MELK: variants seen among roughly 807,000 people sequenced by gnomAD.
MELK encodes pEg3 kinase.
A neutral mutation model predicts 85.0 loss-of-function variants in MELK; 81 were observed. That is an observed-to-expected ratio of 0.95 (90% CI 0.80 to 1.15). The LOEUF is 1.15. Ranked by LOEUF, MELK falls within the 50% of genes most tolerant of loss-of-function variation. The pLI is 0.00. For synonymous variants in MELK, 252 were observed against 265.0 expected (o/e 0.95, Z 0.48); for missense variants, 754 against 777.5 (o/e 0.97, Z 0.36).
chr9:36,669,250 A>C, intron 14 of MELK, 60 bp from the exon 15 acceptor site: 12 of 1,061,152 alleles, frequency 1.1e-5, no homozygotes, highest in African/African-American at 1.6e-5. Flanking sequence ...TATTAATAAT[A>C]GAAATTTCAG....
chr9:36,635,038 T>C (rs947972656), intron 10 of MELK, among the ~76,000 whole-genome samples: 7 of 152,182 alleles, frequency 4.6e-5, no homozygotes, highest in African/African-American at 1.7e-4. Flanking sequence ...ACTTTGGTAT[T>C]GTAGAAGTAC....
At chr9:36,644,027 A>G (rs900947045) in intron 11 of MELK, among the ~76,000 whole-genome samples, 81 of 152,296 alleles carry the variant, frequency 5.3e-4, no homozygotes, top group African/African-American at 1.8e-3. Flanking sequence ...CTAACATGCA[A>G]CTGGGTTTCT....
At chr9:36,618,367 C>T (rs926096569) in intron 8 of MELK, among the ~76,000 whole-genome samples, 5 of 149,740 alleles carry the variant, frequency 3.3e-5, no homozygotes, top group Non-Finnish European at 7.4e-5. Flanking sequence ...TGAGATTGCG[C>T]CACTGCACTC....
chr9:36,646,547 C>T (rs1384151389), intron 11 of MELK, among the ~76,000 whole-genome samples: 1 of 152,202 alleles, frequency 6.6e-6, no homozygotes, highest in Non-Finnish European at 1.5e-5. Flanking sequence ...TCATTGTATT[C>T]CTTTTGAGAT....
chr9:36,653,007 T>C (rs1009426663), intron 12 of MELK, among the ~76,000 whole-genome samples: 1 of 152,182 alleles, frequency 6.6e-6, no homozygotes, highest in African/African-American at 2.4e-5. Context: ...ATTTTCATAT[T>C]TATGTTAAGG....
chr9:36,661,050 A>G (rs1373078618), intron 13 of MELK, among the ~76,000 whole-genome samples: 1 of 152,132 alleles, frequency 6.6e-6, no homozygotes, highest in African/African-American at 2.4e-5. Context: ...TCTTCTAGGG[A>G]ACTACTGGCC....
intron 9 of MELK, among the ~76,000 whole-genome samples, chr9:36,631,661 GA>G (rs1436610091): frequency 6.6e-6 from 1 of 151,972 alleles, no homozygotes; most frequent in East Asian, 1.9e-4. Context: ...CTACAGCCTT[GA>G]CCCCCAGGCT....
chr9:36,601,931 A>G (rs1824970440), intron 7 of MELK, among the ~76,000 whole-genome samples: 1 of 152,214 alleles, frequency 6.6e-6, no homozygotes, highest in South Asian at 2.1e-4. Context: ...ATAATATTCC[A>G]TTGTATGTAT....
chr9:36,622,650 T>TG (rs1827554439), intron 8 of MELK, among the ~76,000 whole-genome samples: 1 of 152,216 alleles, frequency 6.6e-6, no homozygotes, highest in Non-Finnish European at 1.5e-5. Flanking sequence ...ATTTAGCAAT[T>TG]GAAAATTGAG....
At position 36,581,754 on chromosome 9, in the gene MELK, T is replaced by G; in HGVS notation, c.58+15T>G. On this transcript the variant is annotated intron_variant, in intron 2 of 17. Transcript: ENST00000298048. ...TATTGGGACAGGTAATTGTTATTTT[T>G]TTTTGGAGGCAGTGGATAGATCAAC... 6.3e-7 allele frequency: 1 copy of G among 1,580,436 alleles called. No individual in the cohort carries two copies. Among genetic ancestry groups the G allele is most frequent in the Non-Finnish European group, 8.7e-7 (1 of 1,151,472 alleles).
At chr9:36,607,814 G>T (rs1825704925) in intron 8 of MELK, 141 bp downstream of exon 8, 1 of 666,726 alleles carries the variant, frequency 1.5e-6, no homozygotes, top group Non-Finnish European at 2.6e-6. Context: ...TTCTTTGGGA[G>T]TGGTTAAGGA....
chr9:36,622,047 G>A (rs1827501810), intron 8 of MELK, among the ~76,000 whole-genome samples: 1 of 152,106 alleles, frequency 6.6e-6, no homozygotes, highest in Non-Finnish European at 1.5e-5. Flanking sequence ...TCTAATTCTT[G>A]TTCAGTGGAG....
chr9:36,641,453 A>G (rs1175206967), intron 10 of MELK, among the ~76,000 whole-genome samples: 1 of 152,168 alleles, frequency 6.6e-6, no homozygotes, highest in African/African-American at 2.4e-5. Context: ...ATCAGTTTGT[A>G]CCAATTCCCA....
chr9:36,608,038 T>C (rs962939439), intron 8 of MELK, among the ~76,000 whole-genome samples: 31 of 152,184 alleles, frequency 2.0e-4, no homozygotes, highest in African/African-American at 7.2e-4. Flanking sequence ...CCCAGCACTT[T>C]GGGAGGCTGA....
At chr9:36,661,285 G>A (rs747814241) in intron 13 of MELK, among the ~76,000 whole-genome samples, 10 of 152,154 alleles carry the variant, frequency 6.6e-5, no homozygotes, top group Non-Finnish European at 1.5e-4. Flanking sequence ...TAAATGCTGC[G>A]ATCTTTGGCT....
chr9:36,664,107 T>C (rs936408111), intron 13 of MELK, among the ~76,000 whole-genome samples: 9 of 152,214 alleles, frequency 5.9e-5, no homozygotes, highest in African/African-American at 4.8e-5. Context: ...TATTCTGTTA[T>C]TTGACATGTG....
intron 8 of MELK, among the ~76,000 whole-genome samples, chr9:36,610,165 A>G (rs1411634366): frequency 2.0e-5 from 3 of 152,214 alleles, no homozygotes; most frequent in Non-Finnish European, 4.4e-5. Context: ...ATCTCTAACA[A>G]TTAGATGAGG....
chr9:36,597,506 T>C (rs1246238848), intron 6 of MELK, among the ~76,000 whole-genome samples: 1 of 152,148 alleles, frequency 6.6e-6, no homozygotes, highest in African/African-American at 2.4e-5. Flanking sequence ...AGTTCTAGGA[T>C]TGGTCCTGCT....
chr9:36,674,568 T>G (rs1391384905), intron 16 of MELK, among the ~76,000 whole-genome samples: 1 of 152,190 alleles, frequency 6.6e-6, no homozygotes, highest in Non-Finnish European at 1.5e-5. Flanking sequence ...TAATATTTAT[T>G]TCTTTAAAAG....
Sources: allele counts gnomAD v4.1 joint callset (sites outside exome capture counted in the v4.1 genomes callset), GRCh38; gene constraint gnomAD v4.1.1; transcripts MANE v1.5; gene names NCBI Gene and HGNC (gene_info 2026-07-23, HGNC 2026-07-21).